The following CMIP variants were observed in gnomAD, a reference collection of about 807,000 sequenced individuals.
CMIP encodes c-Maf inducing protein.
In CMIP, 13 loss-of-function variants were observed where a neutral mutation model predicts 97.3. The ratio of observed to expected loss-of-function variants is 0.13; its 90% CI spans 0.09 to 0.21. CMIP has a LOEUF of 0.21. Ranked by LOEUF, CMIP falls within the 10% of genes least tolerant of loss-of-function variation. The probability of loss-of-function intolerance (pLI) is 1.00; values close to 1 mark genes in which losing one functional copy is unlikely to be tolerated. For synonymous variants in CMIP, 538 were observed against 436.3 expected (o/e 1.23, Z -2.91); for missense variants, 847 against 1,024.9 (o/e 0.83, Z 2.37).
At chr16:81,489,248 AG>A (rs1347307237) in intron 1 of CMIP, among the ~76,000 whole-genome samples, 2 of 152,032 alleles carry the variant, frequency 1.3e-5, no homozygotes, top group Non-Finnish European at 2.9e-5. Context: ...TTGAGGGGTG[AG>A]GGAGGGCTTT....
intron 1 of CMIP, among the ~76,000 whole-genome samples, chr16:81,541,732 G>GA (rs1473185479): frequency 6.6e-6 from 1 of 152,114 alleles, no homozygotes; most frequent in Non-Finnish European, 1.5e-5. Context: ...AAAAGAACAG[G>GA]AAAAAGCTGT....
At chr16:81,704,669 C>T (rs1907913860) in intron 18 of CMIP, among the ~76,000 whole-genome samples, 1 of 80,216 alleles carries the variant, frequency 1.2e-5, no homozygotes, top group Non-Finnish European at 2.5e-5. Flanking sequence ...TCACCCTCCT[C>T]CCTACCCCTT....
At chr16:81,477,974 C>T (rs755560830) in intron 1 of CMIP, among the ~76,000 whole-genome samples, 1 of 152,234 alleles carries the variant, frequency 6.6e-6, no homozygotes, top group Admixed American at 6.5e-5. Context: ...TGTGGCATCC[C>T]CGGCTGCAAG....
intron 1 of CMIP, among the ~76,000 whole-genome samples, chr16:81,579,957 C>G (rs926023657): frequency 1.8e-4 from 28 of 151,874 alleles, no homozygotes; most frequent in African/African-American, 6.8e-4. Context: ...GAGACTCCGT[C>G]TCAAAAAAAG....
chr16:81,577,498 A>G (rs1055683936), intron 1 of CMIP, among the ~76,000 whole-genome samples: 3 of 148,136 alleles, frequency 2.0e-5, no homozygotes, highest in Non-Finnish European at 4.5e-5. Flanking sequence ...CACTATCACC[A>G]TCATCACCAT....
At chr16:81,523,855 C>A (rs948370852) in intron 1 of CMIP, among the ~76,000 whole-genome samples, 5 of 152,232 alleles carry the variant, frequency 3.3e-5, no homozygotes, top group African/African-American at 1.2e-4. Flanking sequence ...GATGTAACAC[C>A]CAGCTCATCC....
intron 10 of CMIP, among the ~76,000 whole-genome samples, chr16:81,680,333 G>T (rs557830651): frequency 6.6e-6 from 1 of 152,236 alleles, no homozygotes; most frequent in East Asian, 1.9e-4. Context: ...TGAGGGCCTG[G>T]TGAGCTGGAG....
At chr16:81,691,732 C>T (rs760320014) in intron 10 of CMIP, 43 bp from the exon 11 acceptor site, 6 of 1,575,882 alleles carry the variant, frequency 3.8e-6, no homozygotes, top group Non-Finnish European at 5.2e-6. Flanking sequence ...CATAAACCTT[C>T]CTTGTCCCAA....
chr16:81,707,880 G>C (rs930682014), intron 20 of CMIP, among the ~76,000 whole-genome samples: 10 of 152,236 alleles, frequency 6.6e-5, no homozygotes, highest in African/African-American at 2.4e-4. Flanking sequence ...GATGGCACCC[G>C]TGAGCCACGC....
intron 1 of CMIP, among the ~76,000 whole-genome samples, chr16:81,577,467 C>A (rs1221204571): frequency 2.1e-5 from 2 of 96,988 alleles, no homozygotes; most frequent in South Asian, 3.9e-4. Flanking sequence ...ACCATCATCC[C>A]CATTACCACT....
intron 1 of CMIP, among the ~76,000 whole-genome samples, chr16:81,538,284 C>T (rs920713967): frequency 1.3e-5 from 2 of 152,206 alleles, no homozygotes; most frequent in Non-Finnish European, 2.9e-5. Flanking sequence ...AAAGTAGAGA[C>T]ACTTAAGACA....
Position 81,445,213 on chromosome 16 carries a change from CGCCCCCA to C in CMIP, c.-22_-16del. The C allele has an allele frequency of 6.8e-7, 1 of 1,460,840 alleles. No individual in the cohort carries two copies. Among genetic ancestry groups the C allele is most frequent in the Non-Finnish European group, 9.1e-7 (1 of 1,102,512 alleles). The allele number at this position is 1,460,840 out of a possible 1,614,324, so 90.5% of individuals were successfully genotyped here. A position where few individuals can be genotyped will look rare whatever the true frequency, so the allele number is the denominator to read the frequency against. ...GCAGCCCAGGACAGCCCCCTCTCCCCGCCCCCAGCCCCCTCCCCCGGCGCGGCCATGG... is the reference window on the plus strand; with the variant it reads ...GCAGCCCAGGACAGCCCCCTCTCCCCGCCCCCTCCCCCGGCGCGGCCATGG... On this transcript the variant is annotated 5_prime_UTR_variant, in exon 1 of 21. Coordinates refer to ENST00000537098, the MANE Select transcript of CMIP (RefSeq NM_198390.3).
At chr16:81,565,786 T>G (rs529427630) in intron 1 of CMIP, among the ~76,000 whole-genome samples, 3 of 152,212 alleles carry the variant, frequency 2.0e-5, no homozygotes, top group Admixed American at 2.0e-4. Context: ...CACACACTGA[T>G]TGGCTTTCCT....
In CMIP at chr16:81,660,865, C is replaced by G. The variant is rs1010248745; in HGVS notation, c.682-19C>G. ...GCTATCTACCCCACGGTTCCTGATG[C>G]TTGTTTGTTGTGTTTCAGGCAATCG... On this transcript the variant is annotated intron_variant, in intron 5 of 20. Transcript: ENST00000537098. 3 of 1,613,826 alleles carry G rather than the reference C, an allele frequency of 1.9e-6. No individual in the cohort carries two copies. The highest frequency in any genetic ancestry group is 2.5e-6 in the Non-Finnish European group (3 of 1,179,882).
At chr16:81,693,304 G>C (rs1180785994) in intron 12 of CMIP, 120 bp downstream of exon 12, 2 of 1,402,864 alleles carry the variant, frequency 1.4e-6, no homozygotes, top group Non-Finnish European at 2.0e-6. Flanking sequence ...CAGTTCTCTT[G>C]AGACACGTGT....
intron 1 of CMIP, among the ~76,000 whole-genome samples, chr16:81,550,819 C>T (rs1043084585): frequency 6.6e-6 from 1 of 151,748 alleles, no homozygotes; most frequent in Admixed American, 6.6e-5. Flanking sequence ...AGTCCTAACC[C>T]CATTCTGTGC....
chr16:81,537,952 C>T lies in CMIP; in HGVS notation c.301-69615C>T, dbSNP rs9931595. Among the ~76,000 whole-genome samples, 154 of 152,260 alleles carry T rather than the reference C, an allele frequency of 1.0e-3. 1 individual carries two copies. In the South Asian group the frequency reaches 0.016, roughly 16 times the overall value. ...GGGTGCAGAGTCTTGGCCGTCAGGC[C>T]GAGGCGGGTGGGAAGAGACCCGGCA... On this transcript the variant is annotated intron_variant, in intron 1 of 20. Coordinates refer to ENST00000537098, the MANE Select transcript of CMIP (RefSeq NM_198390.3).
At chr16:81,630,259 A>C (rs1022061388) in intron 3 of CMIP, 1 of 152,262 alleles carries the variant, frequency 6.6e-6, no homozygotes, top group African/African-American at 2.4e-5. Context: ...CTACAAGGAC[A>C]CAGAGGAAAA....
intron 1 of CMIP, among the ~76,000 whole-genome samples, chr16:81,465,867 G>A (rs539094017): frequency 6.6e-6 from 1 of 152,212 alleles, no homozygotes; most frequent in Non-Finnish European, 1.5e-5. Context: ...TCAGGTGCCC[G>A]GCTGAGGGCT....
Sources: allele counts gnomAD v4.1 joint callset (sites outside exome capture counted in the v4.1 genomes callset), GRCh38; gene constraint gnomAD v4.1.1; transcripts MANE v1.5; gene names NCBI Gene and HGNC (gene_info 2026-07-23, HGNC 2026-07-21).